Variants in RAB33B observed in about 807,000 individuals in gnomAD.
RAB33B encodes the protein ras-related protein Rab-33B.
A neutral mutation model predicts 15.0 loss-of-function variants in RAB33B; 6 were observed. The ratio of observed to expected loss-of-function variants is 0.40; its 90% CI spans 0.22 to 0.79. The LOEUF is 0.79. RAB33B is among the 30% of genes least tolerant of loss of function. RAB33B has a pLI of 0.37. For synonymous variants in RAB33B, 117 were observed against 108.3 expected, an observed-to-expected ratio of 1.08 and a Z score of -0.50; for missense variants, 257 against 296.4, an observed-to-expected ratio of 0.87 and a Z score of 0.98.
chr4:139,451,235 G>A (rs990942301), upstream of RAB33B: 14 of 151,872 alleles, frequency 9.2e-5, no homozygotes, highest in African/African-American at 3.2e-4. Flanking sequence ...GGGTCTCGCT[G>A]TGCTACCCAG....
At chr4:139,460,329 C>T (rs1750149274) in intron 1 of RAB33B, among the ~76,000 whole-genome samples, 1 of 152,186 alleles carries the variant, frequency 6.6e-6, no homozygotes, top group Non-Finnish European at 1.5e-5. Flanking sequence ...TAATTATGCA[C>T]ATGAAGTTGA....
At chr4:139,463,779 TG>T (rs1750217755) in intron 1 of RAB33B, among the ~76,000 whole-genome samples, 1 of 152,230 alleles carries the variant, frequency 6.6e-6, no homozygotes, top group Non-Finnish European at 1.5e-5. Flanking sequence ...TGTCGTGTAT[TG>T]GCTGGGTCTC....
upstream of RAB33B, chr4:139,449,361 A>G: frequency 6.6e-6 from 1 of 152,200 alleles, no homozygotes; most frequent in East Asian, 1.9e-4. Context: ...TTAAGTTGAC[A>G]AGTGGTGGAC....
the RAB33B span, among the ~76,000 whole-genome samples, chr4:139,445,817 C>T: frequency 1.3e-5 from 2 of 152,166 alleles, no homozygotes; most frequent in African/African-American, 4.8e-5. Context: ...TCAAGGGATG[C>T]TGTTTGGAGC....
At chr4:139,463,002 C>CA (rs1385236332) in intron 1 of RAB33B, among the ~76,000 whole-genome samples, 2 of 152,048 alleles carry the variant, frequency 1.3e-5, no homozygotes, top group Non-Finnish European at 2.9e-5. Context: ...CCCATCTCTA[C>CA]AAAAAACACA....
chr4:139,449,474 T>C (rs1162509061), upstream of RAB33B: 2 of 152,126 alleles, frequency 1.3e-5, no homozygotes, highest in Admixed American at 6.5e-5. Context: ...ACATTTGAGT[T>C]AGTGGGCTGG....
chr4:139,454,498 A>G, intron 1 of RAB33B, 54 bp downstream of exon 1: 1 of 1,570,542 alleles, frequency 6.4e-7, no homozygotes, highest in South Asian at 1.1e-5. Flanking sequence ...TCCCAACCCC[A>G]CCGTGGGCTG....
At chr4:139,465,383 CTTTAG>C (rs1158219383) in intron 1 of RAB33B, among the ~76,000 whole-genome samples, 1 of 152,188 alleles carries the variant, frequency 6.6e-6, no homozygotes, top group Non-Finnish European at 1.5e-5. Context: ...TGCAGAAGCT[CTTTAG>C]TTTAATTAGA....
At chr4:139,457,252 T>C (rs572226417) in intron 1 of RAB33B, among the ~76,000 whole-genome samples, 2 of 152,354 alleles carry the variant, frequency 1.3e-5, no homozygotes, top group South Asian at 4.1e-4. Context: ...AAATCTTGTT[T>C]GCAAAATTTT....
rs75661332 is a variant in RAB33B, at chr4:139,474,529, C to A, written c.*1403C>A. 0.016 allele frequency: 2,446 copies of A among 152,568 alleles called. 31 individuals carry two copies. Among genetic ancestry groups the A allele is most frequent in the Admixed American group, 0.032 (485 of 15,288 alleles). 9.5% of individuals were successfully genotyped at this position (152,568 alleles called of 1,614,324 possible). A position where few individuals can be genotyped will look rare whatever the true frequency, so the allele number is the denominator to read the frequency against. On this transcript the variant is annotated 3_prime_UTR_variant, in exon 2 of 2. Transcript: ENST00000305626. The stretch of plus-strand genomic sequence containing the variant: ...CATTTGGATTGTAGGTGTGAAGGCA[C>A]AACTCTAATTGCTATTAGTCTACAT...
At position 139,465,436 on chromosome 4, in the gene RAB33B, T is replaced by C. The variant is rs559659608; in HGVS notation, c.250-7250T>C. Reference sequence around the variant, plus strand: ...ATTTTGGCTTTTGTTGCCATTGCTTTTGGTGTTTTAGACATGGAGTCCTTG... The same window carrying C: ...ATTTTGGCTTTTGTTGCCATTGCTTCTGGTGTTTTAGACATGGAGTCCTTG... On this transcript the variant is annotated intron_variant, in intron 1 of 1. Coordinates refer to ENST00000305626, the MANE Select transcript of RAB33B (RefSeq NM_031296.3). Among the ~76,000 whole-genome samples, 36 of 152,356 alleles carry C rather than the reference T, an allele frequency of 2.4e-4. 1 individual carries two copies. In the South Asian group the frequency reaches 7.2e-3, roughly 31 times the overall value.
At chr4:139,447,815 C>T in the RAB33B span, among the ~76,000 whole-genome samples, 2 of 151,560 alleles carry the variant, frequency 1.3e-5, no homozygotes, top group Non-Finnish European at 1.5e-5. Context: ...TACAGGCGCC[C>T]GCCACTACGC....
rs950296008 is a variant in RAB33B at position 139,475,855 on chromosome 4, G to A, written c.*2729G>A. On this transcript the variant is annotated 3_prime_UTR_variant, in exon 2 of 2. Transcript: ENST00000305626. ...ATGAAATCTAAGTAATTTTGTTGTG[G>A]AATAGTGTCACTGTTACATTTCCCC... 6.6e-6 allele frequency: 1 copy of A among 152,090 alleles called. No individual in the cohort carries two copies. The highest frequency in any genetic ancestry group is 1.5e-5 in the Non-Finnish European group (1 of 68,006). The allele number at this position is 152,090 out of a possible 1,614,324, so 9.4% of individuals were successfully genotyped here.
intron 1 of RAB33B, among the ~76,000 whole-genome samples, chr4:139,466,031 G>C (rs1203868903): frequency 6.6e-6 from 1 of 152,118 alleles, no homozygotes; most frequent in Non-Finnish European, 1.5e-5. Flanking sequence ...TTTTGGTAGA[G>C]ACAGGGTCTC....
chr4:139,465,748 G>A (rs947984045), intron 1 of RAB33B, among the ~76,000 whole-genome samples: 2 of 143,258 alleles, frequency 1.4e-5, no homozygotes, highest in Non-Finnish European at 3.0e-5. Context: ...TGTTTTTTTG[G>A]AGACAAGGTC....
intron 1 of RAB33B, among the ~76,000 whole-genome samples, chr4:139,470,394 T>G (rs780858714): frequency 2.0e-5 from 3 of 152,192 alleles, no homozygotes; most frequent in Non-Finnish European, 4.4e-5. Context: ...GCCCAGGGGC[T>G]CTTAAGCCCC....
intron 1 of RAB33B, among the ~76,000 whole-genome samples, chr4:139,464,593 G>A (rs1228454755): frequency 2.6e-5 from 4 of 151,998 alleles, no homozygotes; most frequent in African/African-American, 9.7e-5. Flanking sequence ...CTGTGTCCAA[G>A]TGTTCTCATT....
At chr4:139,458,431 A>AT (rs1750111061) in intron 1 of RAB33B, among the ~76,000 whole-genome samples, 1 of 152,036 alleles carries the variant, frequency 6.6e-6, no homozygotes, top group African/African-American at 2.4e-5. Flanking sequence ...CCCAATAGGT[A>AT]TTTTTTCTGA....
At chr4:139,461,248 C>A (rs957546033) in intron 1 of RAB33B, among the ~76,000 whole-genome samples, 3 of 152,100 alleles carry the variant, frequency 2.0e-5, no homozygotes, top group Non-Finnish European at 4.4e-5. Flanking sequence ...CCCTGGGAGC[C>A]AGTGGTTCAT....
Sources: gnomAD v4.1 joint callset for allele counts (sites outside exome capture counted in the v4.1 genomes callset) on GRCh38, gnomAD v4.1.1 for gene constraint, MANE v1.5 for transcripts, NCBI Gene and HGNC (gene_info 2026-07-23, HGNC 2026-07-21) for gene names.